CACNA2D3: variants seen among roughly 807,000 people sequenced by gnomAD.
The protein encoded by CACNA2D3 is voltage-dependent calcium channel subunit alpha-2/delta-3.
Under a neutral mutation model 160.6 loss-of-function variants are expected in CACNA2D3, and 60 were observed. The observed-to-expected ratio is 0.37, with a 90% confidence interval of 0.30 to 0.46. The LOEUF is 0.46. Among genes scored for constraint, CACNA2D3 ranks in the 20% least tolerant of loss-of-function variants. CACNA2D3 has a pLI of 1.00. For missense variants in CACNA2D3, 1,205 were observed against 1,365.0 expected, an observed-to-expected ratio of 0.88 and a Z score of 1.85; for synonymous variants, 558 against 492.9, an observed-to-expected ratio of 1.13 and a Z score of -1.75.
At chr3:54,227,030 C>G (rs560642622) in intron 2 of CACNA2D3, among the ~76,000 whole-genome samples, 1 of 152,284 alleles carries the variant, frequency 6.6e-6, no homozygotes, top group Non-Finnish European at 1.5e-5. Context: ...AGAGAGAGCT[C>G]TGAACTCAAG....
At chr3:54,664,113 G>A (rs1382771944) in intron 11 of CACNA2D3, among the ~76,000 whole-genome samples, 3 of 152,134 alleles carry the variant, frequency 2.0e-5, no homozygotes, top group Non-Finnish European at 2.9e-5. Flanking sequence ...TGGCAAAGAG[G>A]TTGCATCCCC....
At chr3:54,502,393 G>A (rs1701308412) in intron 4 of CACNA2D3, among the ~76,000 whole-genome samples, 1 of 152,122 alleles carries the variant, frequency 6.6e-6, no homozygotes, top group Non-Finnish European at 1.5e-5. Flanking sequence ...TTCCTTGGCT[G>A]TGTTCAGTCT....
In CACNA2D3 at chr3:55,033,755, A is replaced by AAATATATTTTATAT. The variant is rs1703737580; in HGVS notation, c.2987+15445_2987+15446insTTTATATAATATAT. Among the ~76,000 whole-genome samples, 2 of 95,466 alleles carry AAATATATTTTATAT rather than the reference A, an allele frequency of 2.1e-5. 1 individual carries two copies. The highest frequency in any genetic ancestry group is 5.1e-5 in the Non-Finnish European group (2 of 39,020). 62.6% of individuals were successfully genotyped at this position (95,466 alleles called of 152,430 possible). A position where few individuals can be genotyped will look rare whatever the true frequency, so the allele number is the denominator to read the frequency against. On this transcript the variant is annotated intron_variant, in intron 35 of 37. Coordinates refer to ENST00000474759, the MANE Select transcript of CACNA2D3 (RefSeq NM_018398.3). ...TATTTTATATAATATATATTATATT[A>AAATATATTTTATAT]AATATATATTATATAATATGTATTA...
chr3:54,748,844 C>T (rs1245157360), intron 11 of CACNA2D3, among the ~76,000 whole-genome samples: 1 of 152,116 alleles, frequency 6.6e-6, no homozygotes, highest in Non-Finnish European at 1.5e-5. Flanking sequence ...AGGGAAGAAA[C>T]TCCAGTTGTT....
At chr3:55,002,290 C>T (rs904579672) in intron 31 of CACNA2D3, among the ~76,000 whole-genome samples, 11 of 152,222 alleles carry the variant, frequency 7.2e-5, no homozygotes, top group Non-Finnish European at 1.5e-4. Flanking sequence ...TGCCTCTCAC[C>T]TGGCTCTGGC....
At chr3:54,600,013 G>A (rs1167084009) in intron 9 of CACNA2D3, among the ~76,000 whole-genome samples, 1 of 152,188 alleles carries the variant, frequency 6.6e-6, no homozygotes, top group African/African-American at 2.4e-5. Context: ...GCCTGTGCAC[G>A]GCCCCGGAGT....
intron 14 of CACNA2D3, among the ~76,000 whole-genome samples, chr3:54,825,843 AATC>A (rs1438829905): frequency 6.6e-6 from 1 of 152,230 alleles, no homozygotes; most frequent in Non-Finnish European, 1.5e-5. Flanking sequence ...ATCAATGTGA[AATC>A]ATCATCAGTG....
intron 1 of CACNA2D3, 65 bp from the exon 2 acceptor site, chr3:54,123,448 C>A: frequency 9.9e-7 from 1 of 1,012,680 alleles, no homozygotes; most frequent in Non-Finnish European, 1.6e-6. Context: ...TGTGCGTGTG[C>A]GTGTGCGTGC....
At chr3:54,427,769 A>C (rs1477565600) in intron 4 of CACNA2D3, among the ~76,000 whole-genome samples, 1 of 152,182 alleles carries the variant, frequency 6.6e-6, no homozygotes, top group African/African-American at 2.4e-5. Flanking sequence ...TAACATCCCC[A>C]AGGTCAGACA....
chr3:54,300,913 C>G (rs1166337158), intron 2 of CACNA2D3, among the ~76,000 whole-genome samples: 3 of 151,860 alleles, frequency 2.0e-5, no homozygotes, highest in Non-Finnish European at 2.9e-5. Flanking sequence ...CCCAGCTACT[C>G]AGGAGGTTGA....
chr3:54,940,769 C>T lies in CACNA2D3; in HGVS notation c.2450-27681C>T, dbSNP rs563532138. Among the ~76,000 whole-genome samples, 7 of 152,018 alleles carry T rather than the reference C, an allele frequency of 4.6e-5. No homozygotes were observed. The South Asian group carries it at 1.5e-3, about 32-fold the overall frequency. On this transcript the variant is annotated intron_variant, in intron 27 of 37. Transcript: ENST00000474759. ...CTTGATATTATTCAGTTTATTTTTG[C>T]AGGTTTTGCAGGGGAAGGGGGCTTT...
At chr3:54,576,040 A>G (rs965214181) in intron 8 of CACNA2D3, among the ~76,000 whole-genome samples, 25 of 152,258 alleles carry the variant, frequency 1.6e-4, no homozygotes, top group Admixed American at 1.0e-3. Flanking sequence ...AGGAATTGGG[A>G]CAACCCATGG....
intron 35 of CACNA2D3, among the ~76,000 whole-genome samples, chr3:55,036,491 G>C (rs545581843): frequency 1.3e-5 from 2 of 149,164 alleles, no homozygotes; most frequent in Non-Finnish European, 3.0e-5. Flanking sequence ...TTTTTGAGAC[G>C]GAGTCTCACT....
At chr3:54,751,158 A>G (rs1402640277) in intron 11 of CACNA2D3, among the ~76,000 whole-genome samples, 1 of 152,026 alleles carries the variant, frequency 6.6e-6, no homozygotes, top group Non-Finnish European at 1.5e-5. Flanking sequence ...CTCACTCCCA[A>G]ATGTGACTCT....
At chr3:54,545,168 A>G (rs1702041932) in intron 5 of CACNA2D3, among the ~76,000 whole-genome samples, 1 of 152,260 alleles carries the variant, frequency 6.6e-6, no homozygotes, top group Non-Finnish European at 1.5e-5. Context: ...TTGCTAGAAG[A>G]TCTTTCTGAA....
At chr3:54,378,396 T>G (rs1491003144) in intron 3 of CACNA2D3, among the ~76,000 whole-genome samples, 2 of 152,320 alleles carry the variant, frequency 1.3e-5, no homozygotes, top group African/African-American at 4.8e-5. Flanking sequence ...CAGGCAGTGA[T>G]GCTCGCAGGC....
At chr3:54,195,647 T>C (rs1207742760) in intron 2 of CACNA2D3, among the ~76,000 whole-genome samples, 3 of 152,218 alleles carry the variant, frequency 2.0e-5, no homozygotes, top group South Asian at 2.1e-4. Flanking sequence ...AAGAAGCTGC[T>C]CAGGTAGTCC....
At chr3:54,930,284 C>G (rs1701151725) in intron 27 of CACNA2D3, among the ~76,000 whole-genome samples, 1 of 152,154 alleles carries the variant, frequency 6.6e-6, no homozygotes, top group Admixed American at 6.6e-5. Context: ...ATCCACTCTC[C>G]TGTTGCCTCA....
intron 2 of CACNA2D3, among the ~76,000 whole-genome samples, chr3:54,190,587 A>G (rs1014138988): frequency 3.3e-5 from 5 of 152,238 alleles, no homozygotes; most frequent in East Asian, 3.9e-4. Flanking sequence ...GTTTCTGTCT[A>G]TAGAGACCTT....
Sources: allele counts gnomAD v4.1 joint callset (sites outside exome capture counted in the v4.1 genomes callset), GRCh38; gene constraint gnomAD v4.1.1; transcripts MANE v1.5; gene names NCBI Gene and HGNC (gene_info 2026-07-23, HGNC 2026-07-21).